TRIM36: variants seen among roughly 807,000 people sequenced by gnomAD.
TRIM36 encodes the protein tripartite motif containing 36.
Under a neutral mutation model 72.4 loss-of-function variants are expected in TRIM36, and 42 were observed. The observed-to-expected ratio is 0.58, with a 90% CI of 0.45 to 0.75. TRIM36 has a LOEUF of 0.75. TRIM36 is among the 30% of genes least tolerant of loss of function. The pLI, the probability that TRIM36 is intolerant of heterozygous loss-of-function variation, is 0.00. For synonymous variants in TRIM36, 315 were observed against 282.8 expected (o/e 1.11, Z -1.14); for missense variants, 913 against 857.1 (o/e 1.07, Z -0.81).
intron 2 of TRIM36, among the ~76,000 whole-genome samples, chr5:115,154,743 T>A (rs1432356873): frequency 6.6e-6 from 1 of 152,168 alleles, no homozygotes; most frequent in African/African-American, 2.4e-5. Flanking sequence ...CACAGCAGAA[T>A]TCGACCAGAC....
Position 115,137,417 on chromosome 5 carries a change from A to T in TRIM36, c.1031T>A (p.Leu344Gln). The T allele has an allele frequency of 6.2e-7, 1 of 1,614,140 alleles. No homozygotes were observed. The highest frequency in any genetic ancestry group is 8.5e-7 in the Non-Finnish European group (1 of 1,180,000). The change falls in exon 6 of 10, where the codon CTA becomes CAA. Residue 344 changes from leucine to glutamine, a missense_variant. Leu to Gln is a moderately radical substitution (Grantham distance 113, BLOSUM62 -2). Transcript: ENST00000513154. ...NGLVGYAQEV[L>Q]KETDQSCFVQ... ...AAAGCAAGACTGATCTGTCTCCTTTAGCACTTCTTGAGCATATCCCACAAG... is the reference window on the plus strand; with the variant it reads ...AAAGCAAGACTGATCTGTCTCCTTTTGCACTTCTTGAGCATATCCCACAAG...
At chr5:115,167,638 A>C (rs546975217) in intron 1 of TRIM36, among the ~76,000 whole-genome samples, 2 of 152,178 alleles carry the variant, frequency 1.3e-5, no homozygotes, top group Non-Finnish European at 2.9e-5. Flanking sequence ...TGTCCATACC[A>C]CTAGCAGAAT....
Position 115,141,411 on chromosome 5 carries a change from G to A in TRIM36, c.736-37C>T, listed in dbSNP as rs781564920. The A allele has an allele frequency of 1.2e-5, 17 of 1,477,240 alleles. No homozygotes were observed. In the East Asian group the frequency reaches 1.2e-4, roughly 10 times the overall value. 91.5% of individuals were successfully genotyped at this position (1,477,240 alleles called of 1,614,324 possible). ...TATTCGTAACACAAATAGACAAAAC[G>A]GGAGTTTAGCAAAGACTTTGCAGAA... On this transcript the variant is annotated intron_variant, in intron 4 of 9. Transcript: ENST00000513154.
At chr5:115,160,010 A>G (rs1203685145) in intron 2 of TRIM36, among the ~76,000 whole-genome samples, 1 of 151,750 alleles carries the variant, frequency 6.6e-6, no homozygotes, top group African/African-American at 2.4e-5. Flanking sequence ...TGACCTAATA[A>G]CTGTTAAAAA....
In TRIM36 at chr5:115,130,851, T is replaced by C. The variant is rs1752637191; in HGVS notation, c.1537A>G (p.Asn513Asp). ...TTCAAGTTCAGCAGGAGGTGTTCATTATTATAGCCACATTTTTCATCAAAG... is the reference window on the plus strand; with the variant it reads ...TTCAAGTTCAGCAGGAGGTGTTCATCATTATAGCCACATTTTTCATCAAAG... The part of the protein sequence containing the change: ...FLFDEKCGYN[N>D]EHLLLNLKRD... The change falls in exon 9 of 10, where the codon AAT becomes GAT. Residue 513 changes from asparagine (N) to aspartate (D), a missense_variant. By Grantham distance (23) the Asn-to-Asp change is conservative (BLOSUM62 1). Coordinates refer to ENST00000513154, the MANE Select transcript of TRIM36 (RefSeq NM_001300759.2). 9.9e-6 allele frequency: 16 copies of C among 1,610,892 alleles called. No homozygotes were observed. Among genetic ancestry groups the C allele is most frequent in the African/African-American group, 1.3e-5 (1 of 75,004 alleles).
At chr5:115,164,131 G>A (rs1223662006) in intron 1 of TRIM36, among the ~76,000 whole-genome samples, 1 of 152,162 alleles carries the variant, frequency 6.6e-6, no homozygotes. Flanking sequence ...ACAGCACTAA[G>A]AGTAAGACTA....
In TRIM36 at chr5:115,156,399, T is replaced by C. The variant is rs1273852077; in HGVS notation, c.262+7119A>G. Among the ~76,000 whole-genome samples, 6 of 152,126 alleles carry C rather than the reference T, an allele frequency of 3.9e-5. No homozygotes were observed. The East Asian group carries it at 5.8e-4, about 15-fold the overall frequency. ...AAAGAACAAATCTGAAGGCATCACA[T>C]TGCCTAATTTCAAACTATACTGTAA... On this transcript the variant is annotated intron_variant, in intron 2 of 9. Transcript: ENST00000513154.
intron 8 of TRIM36, among the ~76,000 whole-genome samples, chr5:115,132,213 T>TATAC (rs1411728726): frequency 5.2e-4 from 79 of 151,096 alleles, no homozygotes; most frequent in African/African-American, 1.8e-3. Context: ...TGTATATATA[T>TATAC]ATATACATAT....
chr5:115,127,184 T>C (rs967369284), intron 9 of TRIM36, among the ~76,000 whole-genome samples: 2 of 152,160 alleles, frequency 1.3e-5, no homozygotes, highest in Non-Finnish European at 2.9e-5. Context: ...TAGCACACAA[T>C]CATGTACAAT....
upstream of TRIM36, chr5:115,169,999 G>T (rs982703768): frequency 8.2e-6 from 9 of 1,100,782 alleles, no homozygotes; most frequent in Non-Finnish European, 1.0e-5. Flanking sequence ...AACAGCGCCA[G>T]TCGCACAAAA....
upstream of TRIM36, among the ~76,000 whole-genome samples, chr5:115,174,809 T>C (rs1422226452): frequency 1.3e-5 from 2 of 152,244 alleles, no homozygotes; most frequent in East Asian, 3.8e-4. Flanking sequence ...AGACAAAATC[T>C]AGTAAGCATT....
At chr5:115,148,947 C>T (rs1753740747) in intron 2 of TRIM36, 1 of 152,096 alleles carries the variant, frequency 6.6e-6, no homozygotes, top group African/African-American at 2.4e-5. Flanking sequence ...GACATGATAT[C>T]AGTTCAGGTA....
In TRIM36 at chr5:115,144,621, T is replaced by C; in HGVS notation, c.712A>G (p.Ser238Gly). The part of the protein sequence containing the change: ...NHANHRVTTM[S>G]SAYKTLKEKL... ...ACCTTTAAGGTTTTGTAGGCACTGC[T>C]CATAGTGGTTACACGGTGGTTGGCA... The change falls in exon 4 of 10, where the codon AGC (serine) becomes GGC (glycine). Residue 238 changes from serine (S) to glycine (G), a missense_variant. Physicochemically the swap from Ser to Gly is moderately conservative, Grantham distance 56. Coordinates refer to ENST00000513154, the MANE Select transcript of TRIM36 (RefSeq NM_001300759.2). 2 of 1,613,998 alleles carry C rather than the reference T, an allele frequency of 1.2e-6. No individual in the cohort carries two copies. The highest frequency in any genetic ancestry group is 1.7e-6 in the Non-Finnish European group (2 of 1,179,992).
Position 115,130,908 on chromosome 5 carries a change from T to G in TRIM36, c.1499-19A>C. 6.3e-7 allele frequency: 1 copy of G among 1,591,552 alleles called. No homozygotes were observed. Among genetic ancestry groups the G allele is most frequent in the Non-Finnish European group, 8.6e-7 (1 of 1,168,722 alleles). On this transcript the variant is annotated intron_variant, in intron 8 of 9. Coordinates refer to ENST00000513154, the MANE Select transcript of TRIM36 (RefSeq NM_001300759.2). ...CTGAAAACTAAATGGAGCTTAAAAT[T>G]AATATCAGGCTAAAAATTATCATTG... is the stretch of plus-strand genomic sequence containing the variant.
Position 115,147,317 on chromosome 5 carries a change from C to T in TRIM36, c.340G>A (p.Glu114Lys). The T allele has an allele frequency of 6.2e-7, 1 of 1,614,208 alleles. No homozygotes were observed. Among genetic ancestry groups the T allele is most frequent in the Non-Finnish European group, 8.5e-7 (1 of 1,180,040 alleles). ...CGAAACAGACCATTGATTCCTCGTT[C>T]TCCAAGATCCACATCATGCTCACAG... ...PGCEHDVDLG[E>K]RGINGLFRNF... The change falls in exon 3 of 10, where the codon GAA (glutamate) becomes AAA (lysine). Residue 114 changes from glutamate to lysine, a missense_variant. Transcript: ENST00000513154.
At chr5:115,154,817 C>T (rs1487394617) in intron 2 of TRIM36, among the ~76,000 whole-genome samples, 1 of 152,046 alleles carries the variant, frequency 6.6e-6, no homozygotes, top group African/African-American at 2.4e-5. Context: ...AAGAGGAACC[C>T]TCCCTAACTC....
At position 115,144,591 on chromosome 5, in the gene TRIM36, G is replaced by A. The variant is rs752611452; in HGVS notation, c.735+7C>T. The A allele has an allele frequency of 1.9e-6, 3 of 1,611,870 alleles. No homozygotes were observed. The highest frequency in any genetic ancestry group is 4.5e-5 in the East Asian group (2 of 44,850). On this transcript the variant is annotated splice_region_variant and intron_variant, in intron 4 of 9. Coordinates refer to ENST00000513154, the MANE Select transcript of TRIM36 (RefSeq NM_001300759.2). ...AATCAAAATTCTGTTCCAAAAATAA[G>A]TCCTACCTTTAAGGTTTTGTAGGCA...
rs112738908 is a variant in TRIM36, at chr5:115,162,047, T to C, written c.262+1471A>G. 5.8e-3 allele frequency among the ~76,000 whole-genome samples: 886 copies of C among 152,292 alleles called. 7 individuals are homozygous for C. Among genetic ancestry groups the C allele is most frequent in the African/African-American group, 0.02 (847 of 41,546 alleles). ...TCTTTCATGCTAAGTTAAATCTGCC[T>C]TCCTATTCCATCTACTCATTGACCT... is the stretch of plus-strand genomic sequence containing the variant. On this transcript the variant is annotated intron_variant, in intron 2 of 9. Transcript: ENST00000513154.
intron 8 of TRIM36, 52 bp downstream of exon 8, chr5:115,133,808 A>G: frequency 6.6e-7 from 1 of 1,505,710 alleles, no homozygotes; most frequent in Non-Finnish European, 8.9e-7. Flanking sequence ...TATTTTATCA[A>G]GGTCTCTTGC....
Sources: allele counts gnomAD v4.1 joint callset (sites outside exome capture counted in the v4.1 genomes callset), GRCh38; gene constraint gnomAD v4.1.1; transcripts MANE v1.5; gene names NCBI Gene and HGNC (gene_info 2026-07-23, HGNC 2026-07-21).